Variants in CHM observed in about 807,000 individuals in gnomAD.
The protein encoded by CHM is rab proteins geranylgeranyltransferase component A 1.
CHM carries 10 observed loss-of-function variants against 49.0 expected under a neutral mutation model. That is an observed-to-expected ratio of 0.20 (90% confidence interval 0.13 to 0.35). CHM has a LOEUF of 0.35. CHM is among the 10% of genes least tolerant of loss of function. The probability of loss-of-function intolerance (pLI) is 1.00; values close to 1 mark genes in which losing one functional copy is unlikely to be tolerated. For synonymous variants in CHM, 184 were observed against 167.5 expected (o/e 1.10, Z -0.76); for missense variants, 455 against 478.4 (o/e 0.95, Z 0.46).
At position 85,910,296 on chromosome X, in the gene CHM, A is replaced by G. The variant is rs193169155; in HGVS notation, c.1244+965T>C. 6.5e-3 allele frequency among the ~76,000 whole-genome samples: 721 copies of G among 111,781 alleles called. 6 individuals carry two copies. The highest frequency in any genetic ancestry group is 0.022 in the African/African-American group (685 of 30,890). ...ATGAAAGAAACAGCTTAAAATTTATATTATTTAAGCTTCCAGTTCAAATAT... is the reference window on the plus strand; with the variant it reads ...ATGAAAGAAACAGCTTAAAATTTATGTTATTTAAGCTTCCAGTTCAAATAT... On this transcript the variant is annotated intron_variant, in intron 9 of 14. Transcript: ENST00000357749.
intron 8 of CHM, among the ~76,000 whole-genome samples, chrX:85,925,773 T>C (rs1303408755): frequency 8.9e-6 from 1 of 111,861 alleles, no homozygotes; most frequent in Non-Finnish European, 1.9e-5. Flanking sequence ...AGAAAGAATA[T>C]ACTTCTTTTA....
chrX:86,036,251 A>G (rs954272685), intron 1 of CHM, among the ~76,000 whole-genome samples: 2 of 111,659 alleles, frequency 1.8e-5, no homozygotes, highest in Non-Finnish European at 3.8e-5. Flanking sequence ...TCAATCAAAT[A>G]CATTTAAGAA....
intron 14 of CHM, among the ~76,000 whole-genome samples, chrX:85,870,794 C>A (rs765931828): frequency 9.0e-6 from 1 of 111,415 alleles, no homozygotes; most frequent in African/African-American, 3.3e-5. Flanking sequence ...GTTGGTATTG[C>A]GGTGGCAATA....
In CHM at chrX:85,978,888, T is replaced by G. The variant is rs1483238162; in HGVS notation, c.193A>C (p.Asn65His). The G allele has an allele frequency of 8.3e-7, 1 of 1,204,282 alleles. No individual in the cohort carries two copies. The highest frequency in any genetic ancestry group is 1.1e-6 in the Non-Finnish European group (1 of 890,428). ...GGACTGTCACTTACAATGTCACTGTTTTCCTAAACAAAACACAGATAAGAA... is the reference window on the plus strand; with the variant it reads ...GGACTGTCACTTACAATGTCACTGTGTTCCTAAACAAAACACAGATAAGAA... ...LLSWLKEYQENSDIVSDSPVW... is the reference protein window; with the variant it reads ...LLSWLKEYQEHSDIVSDSPVW... The change falls in exon 4 of 15, where the codon AAC (asparagine) becomes CAC (histidine). Residue 65 changes from asparagine to histidine, a missense_variant. Coordinates refer to ENST00000357749, the MANE Select transcript of CHM (RefSeq NM_000390.4).
At chrX:85,979,786 G>A (rs62608946) in intron 3 of CHM, among the ~76,000 whole-genome samples, 19,076 of 111,429 alleles carry the variant, frequency 0.17, 1,558 homozygotes, top group Non-Finnish European at 0.25. Context: ...ACTTACAAAT[G>A]TCATAAAGGC....
At chrX:86,032,871 G>A (rs1299346645) in intron 1 of CHM, among the ~76,000 whole-genome samples, 1 of 111,152 alleles carries the variant, frequency 9.0e-6, no homozygotes, top group Non-Finnish European at 1.9e-5. Flanking sequence ...TACAAAGGTG[G>A]CAGCTAGAAA....
intron 11 of CHM, among the ~76,000 whole-genome samples, chrX:85,898,921 C>T (rs1462760061): frequency 8.9e-6 from 1 of 112,272 alleles, no homozygotes; most frequent in Non-Finnish European, 1.9e-5. Flanking sequence ...TGCTGAATGG[C>T]TTAATGAAAG....
intron 2 of CHM, among the ~76,000 whole-genome samples, chrX:86,018,555 T>C (rs1272190802): frequency 8.9e-6 from 1 of 112,155 alleles, no homozygotes; most frequent in African/African-American, 3.2e-5. Context: ...AATAAAAACT[T>C]ACATTCACAC....
At chrX:85,867,994 C>T (rs981804102) in intron 14 of CHM, among the ~76,000 whole-genome samples, 7 of 108,815 alleles carry the variant, frequency 6.4e-5, no homozygotes, top group South Asian at 8.1e-4. Context: ...TAAGTTAACA[C>T]GTCCATCACC....
At chrX:85,932,261 C>A (rs913491163) in intron 8 of CHM, among the ~76,000 whole-genome samples, 6 of 111,730 alleles carry the variant, frequency 5.4e-5, no homozygotes, top group Non-Finnish European at 1.1e-4. Flanking sequence ...TAGTACATTT[C>A]TAGTATTAAG....
intron 12 of CHM, among the ~76,000 whole-genome samples, chrX:85,882,746 T>C (rs1287947848): frequency 4.5e-5 from 5 of 111,862 alleles, no homozygotes; most frequent in Non-Finnish European, 7.5e-5. Context: ...GGAATGCTGA[T>C]CGCTCTTACG....
At chrX:85,921,978 T>C (rs2148184091) in intron 8 of CHM, among the ~76,000 whole-genome samples, 1 of 112,167 alleles carries the variant, frequency 8.9e-6, no homozygotes, top group Non-Finnish European at 1.9e-5. Flanking sequence ...GCATGAACTA[T>C]AAATGCAGTA....
At chrX:85,968,325 T>C (rs1458985165) in intron 4 of CHM, among the ~76,000 whole-genome samples, 1 of 112,430 alleles carries the variant, frequency 8.9e-6, no homozygotes, top group East Asian at 2.8e-4. Flanking sequence ...ACACATACTA[T>C]AGAATACAGG....
At chrX:85,890,672 A>G (rs1345558325) in intron 12 of CHM, among the ~76,000 whole-genome samples, 1 of 112,283 alleles carries the variant, frequency 8.9e-6, no homozygotes, top group Non-Finnish European at 1.9e-5. Context: ...TGTAAGTCCA[A>G]TTAAATCTCT....
chrX:85,997,720 T>C, intron 2 of CHM, among the ~76,000 whole-genome samples: 1 of 110,767 alleles, frequency 9.0e-6, no homozygotes, highest in Non-Finnish European at 1.9e-5. Flanking sequence ...CTTTGGCCAA[T>C]GGGTAAATCA....
At chrX:85,925,548 C>T in intron 8 of CHM, among the ~76,000 whole-genome samples, 1 of 111,323 alleles carries the variant, frequency 9.0e-6, no homozygotes, top group Non-Finnish European at 1.9e-5. Flanking sequence ...GTGTAGCAAA[C>T]TAGCCTACAG....
At chrX:85,979,440 T>G (rs945646734) in intron 3 of CHM, among the ~76,000 whole-genome samples, 2 of 111,363 alleles carry the variant, frequency 1.8e-5, no homozygotes, top group Non-Finnish European at 3.8e-5. Context: ...AATTAGTCCC[T>G]GAATACCTTA....
At chrX:85,985,620 C>T (rs1273279601) in intron 2 of CHM, among the ~76,000 whole-genome samples, 1 of 111,852 alleles carries the variant, frequency 8.9e-6, no homozygotes, top group Non-Finnish European at 1.9e-5. Flanking sequence ...GAGGCAGGAC[C>T]TCCCAACCAA....
At chrX:86,007,367 A>C (rs1194521334) in intron 2 of CHM, among the ~76,000 whole-genome samples, 13 of 112,154 alleles carry the variant, frequency 1.2e-4, no homozygotes, top group African/African-American at 4.2e-4. Context: ...CTTCATGTCT[A>C]AAACACCAAA....
Sources: allele counts gnomAD v4.1 joint callset (sites outside exome capture counted in the v4.1 genomes callset), GRCh38; gene constraint gnomAD v4.1.1; transcripts MANE v1.5; gene names NCBI Gene and HGNC (gene_info 2026-07-23, HGNC 2026-07-21).